The following ME3 variants were observed in gnomAD, a reference collection of about 807,000 sequenced individuals.
ME3 encodes the protein malic enzyme 3, also known as NADP-dependent malic enzyme, mitochondrial.
A neutral mutation model predicts 68.9 loss-of-function variants in ME3; 48 were observed. The observed-to-expected ratio is 0.70, with a 90% CI of 0.55 to 0.89. The LOEUF is 0.89. Among genes scored for constraint, ME3 ranks in the 40% least tolerant of loss-of-function variants. The probability of loss-of-function intolerance (pLI) is 0.00; values close to 1 mark genes in which losing one functional copy is unlikely to be tolerated. For missense variants in ME3, 675 were observed against 797.4 expected (o/e 0.85, Z 1.85); for synonymous variants, 320 against 318.8 (o/e 1.00, Z -0.04).
intron 2 of ME3, among the ~76,000 whole-genome samples, chr11:86,645,595 C>G (rs1944955866): frequency 6.6e-6 from 1 of 152,160 alleles, no homozygotes; most frequent in Admixed American, 6.5e-5. Context: ...GACAGAGCAC[C>G]TGGGGGAAAG....
intron 2 of ME3, among the ~76,000 whole-genome samples, chr11:86,564,987 C>A (rs1594468608): frequency 6.6e-6 from 1 of 152,138 alleles, no homozygotes; most frequent in South Asian, 2.1e-4. Flanking sequence ...AGGACTCCTA[C>A]AGCACAACAA....
intron 2 of ME3, among the ~76,000 whole-genome samples, chr11:86,648,840 C>A (rs1034073995): frequency 6.7e-6 from 1 of 149,486 alleles, no homozygotes; most frequent in African/African-American, 2.6e-5. Context: ...AGCCTACCAA[C>A]CAAAAAAGCC....
intron 2 of ME3, among the ~76,000 whole-genome samples, chr11:86,644,858 A>G (rs1373580410): frequency 1.3e-5 from 2 of 152,176 alleles, no homozygotes; most frequent in African/African-American, 4.8e-5. Context: ...CAGCTGAGGT[A>G]CCTGGCTCAT....
chr11:86,560,033 A>G (rs1168901202), intron 2 of ME3, among the ~76,000 whole-genome samples: 2 of 152,174 alleles, frequency 1.3e-5, no homozygotes, highest in Non-Finnish European at 2.9e-5. Context: ...CATTGGAAAA[A>G]ATGGGGAAAC....
chr11:86,593,202 C>T (rs1216142518), intron 2 of ME3, among the ~76,000 whole-genome samples: 1 of 116,884 alleles, frequency 8.6e-6, no homozygotes, highest in Non-Finnish European at 1.8e-5. Flanking sequence ...CCCTCCTTCA[C>T]TCACATAGTA....
chr11:86,597,401 G>A (rs567089104), intron 2 of ME3, among the ~76,000 whole-genome samples: 62 of 152,328 alleles, frequency 4.1e-4, no homozygotes, highest in African/African-American at 1.4e-3. Context: ...GCTGGACTGG[G>A]GCCATGTGAC....
At chr11:86,584,767 A>G (rs1041786376) in intron 2 of ME3, among the ~76,000 whole-genome samples, 2 of 152,178 alleles carry the variant, frequency 1.3e-5, no homozygotes, top group African/African-American at 4.8e-5. Context: ...CAAATAATAA[A>G]ATGGTGGTTT....
chr11:86,455,251 T>A (rs1183623517), intron 8 of ME3, among the ~76,000 whole-genome samples: 1 of 152,184 alleles, frequency 6.6e-6, no homozygotes, highest in Non-Finnish European at 1.5e-5. Flanking sequence ...TCAAACATGA[T>A]CCCTGCCATC....
At position 86,535,399 on chromosome 11, in the gene ME3, A is replaced by G. The variant is rs368477461; in HGVS notation, c.467+21154T>C. On this transcript the variant is annotated intron_variant, in intron 4 of 14. Transcript: ENST00000543262. ...AGGCCAGGGCAATCTATGGAACCTC[A>G]TTTGTGATGAGGACTGGACATTATT... Among the ~76,000 whole-genome samples the G allele has an allele frequency of 7.2e-5, 11 of 152,288 alleles. No individual in the cohort carries two copies. The East Asian group carries it at 2.1e-3, about 29-fold the overall frequency.
At chr11:86,521,431 A>AAAAAAATAATAATAAT (rs1271326906) in intron 4 of ME3, among the ~76,000 whole-genome samples, 28 of 145,980 alleles carry the variant, frequency 1.9e-4, no homozygotes, top group Non-Finnish European at 2.4e-4. Context: ...AACAAAACAA[A>AAAAAAATAATAATAAT]AATAATAATA....
At chr11:86,666,633 A>G (rs1460725751) in intron 2 of ME3, among the ~76,000 whole-genome samples, 1 of 152,262 alleles carries the variant, frequency 6.6e-6, no homozygotes, top group African/African-American at 2.4e-5. Context: ...ATATCTGAAC[A>G]GTATTTGAGC....
intron 2 of ME3, among the ~76,000 whole-genome samples, chr11:86,658,127 T>C (rs1000937871): frequency 2.6e-4 from 13 of 50,876 alleles, no homozygotes; most frequent in African/African-American, 9.4e-4. Flanking sequence ...TTTACCTTCT[T>C]CACAATTTTT....
intron 4 of ME3, among the ~76,000 whole-genome samples, chr11:86,547,709 GCAAACA>G (rs1222649169): frequency 6.6e-6 from 1 of 152,114 alleles, no homozygotes; most frequent in Non-Finnish European, 1.5e-5. Flanking sequence ...CTCAATGTGA[GCAAACA>G]GAACATTTAG....
In ME3 at chr11:86,670,129, G is replaced by A. The variant is rs80281810; in HGVS notation, c.183+1633C>T. On this transcript the variant is annotated intron_variant, in intron 2 of 14. Coordinates refer to ENST00000543262, the Ensembl canonical transcript of ME3. The stretch of plus-strand genomic sequence containing the variant: ...TGGTGATTGGTTTTGGTTTGGGAAT[G>A]GGAAGAGAGAATCTAATCAGAGTCA... Among the ~76,000 whole-genome samples, 628 of 152,306 alleles carry A rather than the reference G, an allele frequency of 4.1e-3. 1 individual carries two copies. The highest frequency in any genetic ancestry group is 0.014 in the African/African-American group (601 of 41,568).
intron 4 of ME3, among the ~76,000 whole-genome samples, chr11:86,530,669 G>A (rs1230266681): frequency 1.3e-5 from 2 of 152,166 alleles, no homozygotes; most frequent in African/African-American, 4.8e-5. Flanking sequence ...CAATGGAACA[G>A]AACAGAGCCC....
At chr11:86,456,552 T>C (rs970713393) in intron 8 of ME3, among the ~76,000 whole-genome samples, 2 of 152,018 alleles carry the variant, frequency 1.3e-5, no homozygotes, top group African/African-American at 4.8e-5. Context: ...TTTGCTTCCA[T>C]CCCTTCATGA....
At chr11:86,601,798 T>A (rs544726461) in intron 2 of ME3, among the ~76,000 whole-genome samples, 4 of 152,074 alleles carry the variant, frequency 2.6e-5, no homozygotes, top group African/African-American at 9.6e-5. Context: ...GCTGGTTCAA[T>A]ATACACCAAT....
chr11:86,513,456 A>C (rs1481377442), intron 4 of ME3, among the ~76,000 whole-genome samples: 1 of 152,330 alleles, frequency 6.6e-6, no homozygotes. Flanking sequence ...AAATAAGGAC[A>C]CTAAAGTCCA....
chr11:86,475,504 AAT>A (rs1951008548), intron 7 of ME3, among the ~76,000 whole-genome samples: 1 of 152,162 alleles, frequency 6.6e-6, no homozygotes, highest in Admixed American at 6.5e-5. Flanking sequence ...AGAAGGAACT[AAT>A]ATATTTGTAT....
Sources: gnomAD v4.1 joint callset for allele counts (sites outside exome capture counted in the v4.1 genomes callset) on GRCh38, gnomAD v4.1.1 for gene constraint, MANE v1.5 for transcripts, NCBI Gene and HGNC (gene_info 2026-07-23, HGNC 2026-07-21) for gene names.